The following MCTP2 variants were observed in gnomAD, a reference collection of about 807,000 sequenced individuals.
MCTP2 encodes multiple C2 and transmembrane domain-containing protein 2.
MCTP2 carries 132 observed loss-of-function variants against 111.6 expected under a neutral mutation model. The ratio of observed to expected loss-of-function variants is 1.18; its 90% CI spans 1.03 to 1.37. The LOEUF (loss-of-function observed/expected upper bound fraction) is 1.37, where lower values mean the gene tolerates loss of function less well. MCTP2 is among the 40% of genes most tolerant of loss of function. The pLI is 0.00. For synonymous variants in MCTP2, 395 were observed against 387.7 expected, an observed-to-expected ratio of 1.02 and a Z score of -0.22; for missense variants, 1,183 against 1,067.9, an observed-to-expected ratio of 1.11 and a Z score of -1.50.
At chr15:94,369,559 T>G (rs2152437274) in intron 11 of MCTP2, among the ~76,000 whole-genome samples, 1 of 152,282 alleles carries the variant, frequency 6.6e-6, no homozygotes, top group South Asian at 2.1e-4. Context: ...TACTAGATAC[T>G]TAATCTCTAA....
At chr15:94,365,717 G>C (rs771932141) in intron 10 of MCTP2, among the ~76,000 whole-genome samples, 15 of 152,080 alleles carry the variant, frequency 9.9e-5, no homozygotes, top group Non-Finnish European at 2.2e-4. Flanking sequence ...ATTATTAGCT[G>C]TCAGAGCACT....
intron 1 of MCTP2, among the ~76,000 whole-genome samples, chr15:94,241,917 C>T (rs79826396): frequency 0.026 from 3,985 of 152,166 alleles, 145 homozygotes; most frequent in African/African-American, 0.09. Context: ...TTTAATATTT[C>T]ATAGTTTTTT....
In MCTP2 at chr15:94,481,721, ACAT is replaced by A. The variant is rs1224308055; in HGVS notation, c.*2691_*2693del. 6 of 152,282 alleles carry A rather than the reference ACAT, an allele frequency of 3.9e-5. No homozygotes were observed. The highest frequency in any genetic ancestry group is 4.8e-5 in the African/African-American group (2 of 41,466). 9.4% of individuals were successfully genotyped at this position (152,282 alleles called of 1,614,324 possible). On this transcript the variant is annotated 3_prime_UTR_variant, in exon 23 of 23. Transcript: ENST00000357742. ...TTCATATCTTTCTGGCATCTGCCAT[ACAT>A]CATAAGAGGCTTTGACCACTGTCCT... is the stretch of plus-strand genomic sequence containing the variant.
At chr15:94,393,316 G>A (rs2081098410) in intron 14 of MCTP2, among the ~76,000 whole-genome samples, 1 of 152,218 alleles carries the variant, frequency 6.6e-6, no homozygotes, top group Admixed American at 6.5e-5. Flanking sequence ...GTACTGAAGG[G>A]CTTGAGAGAG....
At chr15:94,474,062 T>C (rs1164166430) in intron 21 of MCTP2, among the ~76,000 whole-genome samples, 1 of 152,186 alleles carries the variant, frequency 6.6e-6, no homozygotes, top group Non-Finnish European at 1.5e-5. Context: ...AACAAAATGT[T>C]ATTCTTCAGT....
chr15:94,382,400 C>T (rs1173564427), intron 12 of MCTP2, among the ~76,000 whole-genome samples: 1 of 152,214 alleles, frequency 6.6e-6, no homozygotes, highest in Admixed American at 6.5e-5. Flanking sequence ...TCACTCCTTC[C>T]TTTATGTCTG....
At chr15:94,249,489 T>A (rs1359766552) in intron 1 of MCTP2, among the ~76,000 whole-genome samples, 1 of 138,848 alleles carries the variant, frequency 7.2e-6, no homozygotes, top group East Asian at 2.0e-4. Flanking sequence ...TCTCAGAATC[T>A]TTTTTTTTTT....
At chr15:94,257,443 A>T (rs1197458833) in intron 1 of MCTP2, among the ~76,000 whole-genome samples, 3 of 151,664 alleles carry the variant, frequency 2.0e-5, no homozygotes, top group Non-Finnish European at 4.4e-5. Flanking sequence ...TATCTCCCAT[A>T]TATTTTGCGT....
intron 1 of MCTP2, among the ~76,000 whole-genome samples, chr15:94,297,232 G>C (rs570170837): frequency 6.6e-6 from 1 of 152,264 alleles, no homozygotes; most frequent in African/African-American, 2.4e-5. Context: ...TTTGATCCGT[G>C]ATGAGTTCAA....
chr15:94,320,406 G>T (rs2076581041), intron 4 of MCTP2, among the ~76,000 whole-genome samples: 1 of 152,138 alleles, frequency 6.6e-6, no homozygotes, highest in South Asian at 2.1e-4. Flanking sequence ...CTCCCAAAGT[G>T]CTGGGATTAC....
At chr15:94,293,283 G>C (rs1218033019) in intron 1 of MCTP2, among the ~76,000 whole-genome samples, 1 of 152,124 alleles carries the variant, frequency 6.6e-6, no homozygotes, top group Non-Finnish European at 1.5e-5. Context: ...CTACAAAGTA[G>C]GGGAAATATT....
Position 94,296,217 on chromosome 15 carries a change from C to T in MCTP2, c.-65-1984C>T, listed in dbSNP as rs1017474334. 1.1e-4 allele frequency among the ~76,000 whole-genome samples: 17 copies of T among 152,226 alleles called. No homozygotes were observed. The East Asian group carries it at 2.9e-3, about 26-fold the overall frequency. ...TTGCTATATGAAAATAGAAGCAATG[C>T]CTTTTATCGTATTTGCAAGTCAAGT... On this transcript the variant is annotated intron_variant, in intron 1 of 22. Transcript: ENST00000357742.
intron 19 of MCTP2, among the ~76,000 whole-genome samples, chr15:94,446,229 G>A (rs2084108983): frequency 6.6e-6 from 1 of 152,192 alleles, no homozygotes; most frequent in South Asian, 2.1e-4. Context: ...TGTAGGAGAT[G>A]AAATGTACAA....
intron 17 of MCTP2, 90 bp downstream of exon 17, chr15:94,402,109 G>A (rs768449859): frequency 2.0e-6 from 3 of 1,481,848 alleles, no homozygotes; most frequent in Non-Finnish European, 2.7e-6. Context: ...GTGATTACGT[G>A]GGGGTTGTCT....
intron 1 of MCTP2, among the ~76,000 whole-genome samples, chr15:94,245,546 ATT>A (rs2071884433): frequency 7.0e-6 from 1 of 143,176 alleles, no homozygotes; most frequent in Admixed American, 7.1e-5. Flanking sequence ...ACATGTATAT[ATT>A]TATATATGTA....
intron 17 of MCTP2, among the ~76,000 whole-genome samples, chr15:94,435,683 G>C (rs1479634084): frequency 4.7e-5 from 6 of 128,708 alleles, no homozygotes; most frequent in Non-Finnish European, 9.9e-5. Context: ...CCAGGCTGGA[G>C]TGCAGTGGCG....
At chr15:94,468,059 A>AATTTTTATGTTAATCATAAAC (rs1567776117) in intron 20 of MCTP2, among the ~76,000 whole-genome samples, 1 of 151,498 alleles carries the variant, frequency 6.6e-6, no homozygotes, top group African/African-American at 2.4e-5. Context: ...GAAAGTTTAT[A>AATTTTTATGTTAATCATAAAC]ATTTTTATGT....
intron 17 of MCTP2, among the ~76,000 whole-genome samples, chr15:94,406,748 C>T (rs1321667365): frequency 2.0e-5 from 3 of 151,978 alleles, no homozygotes; most frequent in Non-Finnish European, 4.4e-5. Context: ...TTTTTCCCCA[C>T]CTTTGAGGAA....
intron 3 of MCTP2, among the ~76,000 whole-genome samples, chr15:94,315,134 A>G (rs1027703552): frequency 6.6e-6 from 1 of 152,234 alleles, no homozygotes; most frequent in Non-Finnish European, 1.5e-5. Context: ...TGAACTTGGA[A>G]GCGGGGACAC....
Sources: gnomAD v4.1 joint callset for allele counts (sites outside exome capture counted in the v4.1 genomes callset) on GRCh38, gnomAD v4.1.1 for gene constraint, MANE v1.5 for transcripts, NCBI Gene and HGNC (gene_info 2026-07-23, HGNC 2026-07-21) for gene names.